Variants in CA10 observed in about 807,000 individuals in gnomAD.
The protein encoded by CA10 is carbonic anhydrase 10 (inactive).
CA10 carries 14 observed loss-of-function variants against 44.2 expected under a neutral mutation model. The ratio of observed to expected loss-of-function variants is 0.32; its 90% confidence interval spans 0.21 to 0.50. CA10 has a LOEUF of 0.50. CA10 is among the 20% of genes least tolerant of loss of function. The probability of loss-of-function intolerance (pLI) is 0.99; values close to 1 mark genes in which losing one functional copy is unlikely to be tolerated. For missense variants in CA10, 350 were observed against 409.7 expected (o/e 0.85, Z 1.26); for synonymous variants, 159 against 141.6 (o/e 1.12, Z -0.87).
At chr17:51,939,455 C>T (rs1982993184) in intron 2 of CA10, among the ~76,000 whole-genome samples, 1 of 152,066 alleles carries the variant, frequency 6.6e-6, no homozygotes, top group African/African-American at 2.4e-5. Flanking sequence ...AAGGTAGGCA[C>T]ATGCTTTATT....
At chr17:51,931,511 G>A (rs1185369738) in intron 2 of CA10, among the ~76,000 whole-genome samples, 1 of 152,072 alleles carries the variant, frequency 6.6e-6, no homozygotes, top group African/African-American at 2.4e-5. Flanking sequence ...TTTCCTATCT[G>A]GCAAGAACGA....
At chr17:51,757,484 C>T (rs1598029997) in intron 3 of CA10, among the ~76,000 whole-genome samples, 1 of 152,112 alleles carries the variant, frequency 6.6e-6, no homozygotes, top group Non-Finnish European at 1.5e-5. Context: ...AGTAGCAAAC[C>T]CAAGATTAGA....
Position 51,635,988 on chromosome 17 carries a change from C to T in CA10, c.656G>A (p.Gly219Glu). ...TYKNDAYLLQGLNIEELYPET... is the reference protein window; with the variant it reads ...TYKNDAYLLQELNIEELYPET... ...TGGATATAGTTCCTCTATATTAAGC[C>T]CCTGTAGTAAATATGCATCATCTAG... The change falls in exon 7 of 9, where the codon GGG becomes GAG. Residue 219 changes from glycine (G) to glutamate (E), a missense_variant. By Grantham distance (98) the Gly-to-Glu change is moderately conservative (BLOSUM62 -2). Coordinates refer to ENST00000451037, the MANE Select transcript of CA10 (RefSeq NM_020178.5). The T allele has an allele frequency of 6.3e-7, 1 of 1,582,704 alleles. No individual in the cohort carries two copies. Among genetic ancestry groups the T allele is most frequent in the African/African-American group, 1.4e-5 (1 of 73,962 alleles).
intron 3 of CA10, among the ~76,000 whole-genome samples, chr17:51,784,378 T>G (rs2143684018): frequency 6.6e-6 from 1 of 152,338 alleles, no homozygotes; most frequent in Admixed American, 6.5e-5. Flanking sequence ...TTATGCCTGG[T>G]TTTGGAAATT....
intron 2 of CA10, among the ~76,000 whole-genome samples, chr17:51,939,039 C>T (rs1410041561): frequency 6.6e-6 from 1 of 152,000 alleles, no homozygotes; most frequent in East Asian, 1.9e-4. Flanking sequence ...TTCCTCCTTC[C>T]AGTAACATCC....
chr17:51,758,134 C>T (rs1459503947), intron 3 of CA10, among the ~76,000 whole-genome samples: 3 of 152,082 alleles, frequency 2.0e-5, no homozygotes, highest in Non-Finnish European at 4.4e-5. Flanking sequence ...TTTCTCTTAC[C>T]TATCCATCTG....
chr17:51,678,524 G>A (rs1914710467), intron 4 of CA10, among the ~76,000 whole-genome samples: 2 of 152,242 alleles, frequency 1.3e-5, no homozygotes, highest in African/African-American at 4.8e-5. Context: ...CTCAGTCCAT[G>A]TGGGGAACAC....
At chr17:51,950,744 C>T (rs373023295) in intron 2 of CA10, among the ~76,000 whole-genome samples, 16 of 152,136 alleles carry the variant, frequency 1.1e-4, no homozygotes, top group African/African-American at 3.1e-4. Flanking sequence ...TTACTTTGAG[C>T]ATGCCATCTG....
At chr17:51,642,280 A>G (rs1027201529) in intron 6 of CA10, among the ~76,000 whole-genome samples, 2 of 152,178 alleles carry the variant, frequency 1.3e-5, no homozygotes, top group African/African-American at 4.8e-5. Flanking sequence ...TACAAGTTCA[A>G]TTAAGCATAG....
intron 3 of CA10, among the ~76,000 whole-genome samples, chr17:51,841,837 A>G (rs1978321980): frequency 2.0e-5 from 3 of 152,194 alleles, no homozygotes; most frequent in Admixed American, 2.0e-4. Flanking sequence ...CCCTGACTCC[A>G]CTTCACTGTG....
intron 1 of CA10, among the ~76,000 whole-genome samples, chr17:52,138,124 G>T (rs1174776745): frequency 2.0e-5 from 3 of 152,000 alleles, no homozygotes. Flanking sequence ...CTCCAGGGAA[G>T]AATTAATTTC....
At chr17:51,957,747 T>C (rs554258864) in intron 2 of CA10, among the ~76,000 whole-genome samples, 1 of 152,084 alleles carries the variant, frequency 6.6e-6, no homozygotes, top group Non-Finnish European at 1.5e-5. Flanking sequence ...TATTCAACTA[T>C]TTTCTGCTCT....
chr17:51,768,283 G>A (rs546173479), intron 3 of CA10, among the ~76,000 whole-genome samples: 8 of 151,746 alleles, frequency 5.3e-5, no homozygotes, highest in African/African-American at 1.9e-4. Flanking sequence ...TTGTACAATA[G>A]CTGCAAAGGT....
intron 3 of CA10, among the ~76,000 whole-genome samples, chr17:51,843,113 G>A (rs1246711213): frequency 1.3e-5 from 2 of 152,188 alleles, no homozygotes; most frequent in Non-Finnish European, 2.9e-5. Context: ...AAAAACAGCT[G>A]CAGAAGAAAC....
chr17:51,810,610 C>T (rs373906006), intron 3 of CA10, among the ~76,000 whole-genome samples: 28 of 152,204 alleles, frequency 1.8e-4, no homozygotes, highest in African/African-American at 5.8e-4. Context: ...GAAGAAGCCC[C>T]GGAAGCTTCC....
At chr17:52,114,375 A>C (rs1378006183) in intron 1 of CA10, among the ~76,000 whole-genome samples, 1 of 152,226 alleles carries the variant, frequency 6.6e-6, no homozygotes, top group African/African-American at 2.4e-5. Flanking sequence ...CCTAGGTTCC[A>C]ATCCCAATCC....
intron 4 of CA10, among the ~76,000 whole-genome samples, chr17:51,704,642 A>C (rs1915705733): frequency 6.6e-6 from 1 of 152,190 alleles, no homozygotes; most frequent in Admixed American, 6.5e-5. Flanking sequence ...TATCTTCTAC[A>C]GTGTAGGCAG....
At chr17:51,809,986 C>T (rs1206908649) in intron 3 of CA10, among the ~76,000 whole-genome samples, 2 of 152,152 alleles carry the variant, frequency 1.3e-5, no homozygotes, top group Non-Finnish European at 2.9e-5. Flanking sequence ...CATCATCCAT[C>T]TTGGAAGGGA....
At chr17:52,036,716 T>C (rs1598179037) in intron 2 of CA10, among the ~76,000 whole-genome samples, 1 of 152,280 alleles carries the variant, frequency 6.6e-6, no homozygotes, top group East Asian at 1.9e-4. Flanking sequence ...ATAGGGATAA[T>C]AAAAGAACTG....
Sources: gnomAD v4.1 joint callset for allele counts (sites outside exome capture counted in the v4.1 genomes callset) on GRCh38, gnomAD v4.1.1 for gene constraint, MANE v1.5 for transcripts, NCBI Gene and HGNC (gene_info 2026-07-23, HGNC 2026-07-21) for gene names.